The following PTPRN2 variants were observed in gnomAD, a reference collection of about 807,000 sequenced individuals.
The protein encoded by PTPRN2 is protein tyrosine phosphatase receptor type N2.
In PTPRN2, 74 loss-of-function variants were observed where a neutral mutation model predicts 118.8. The ratio of observed to expected loss-of-function variants is 0.62; its 90% CI spans 0.52 to 0.76. The LOEUF is 0.76. Ranked by LOEUF, PTPRN2 falls within the 30% of genes least tolerant of loss-of-function variation. The probability of loss-of-function intolerance (pLI) is 0.00; values close to 1 mark genes in which losing one functional copy is unlikely to be tolerated. For synonymous variants in PTPRN2, 641 were observed against 608.0 expected (o/e 1.05, Z -0.80); for missense variants, 1,481 against 1,394.4 (o/e 1.06, Z -0.99).
chr7:157,618,875 T>A lies in PTPRN2; in HGVS notation c.2344+2487A>T, dbSNP rs942733266. 2 of 152,198 alleles carry A rather than the reference T, an allele frequency of 1.3e-5. No individual in the cohort carries two copies. Among genetic ancestry groups the A allele is most frequent in the Non-Finnish European group, 2.9e-5 (2 of 68,064 alleles). The allele number at this position is 152,198 out of a possible 1,614,324, so 9.4% of individuals were successfully genotyped here. ...TGCTGTGTCTTCACACCCTGGCACA[T>A]GGGTCGGGAGAACCCTGGGAGGAGG... On this transcript the variant is annotated intron_variant, in intron 15 of 22. Transcript: ENST00000389418. The surrounding 1 kb of genome is among the most constrained non-coding windows in gnomAD (Gnocchi z 4.2).
chr7:157,710,567 G>A (rs1256143391), intron 12 of PTPRN2, among the ~76,000 whole-genome samples: 3 of 147,686 alleles, frequency 2.0e-5, no homozygotes, highest in Non-Finnish European at 4.5e-5. Context: ...ACCCTGTGCA[G>A]TGAGGGCCAC....
chr7:157,913,262 AT>A (rs1798199457), intron 11 of PTPRN2, among the ~76,000 whole-genome samples: 1 of 152,206 alleles, frequency 6.6e-6, no homozygotes, highest in Non-Finnish European at 1.5e-5. Context: ...GCATGATTTC[AT>A]ATACAGCACC....
intron 12 of PTPRN2, among the ~76,000 whole-genome samples, chr7:157,853,921 C>G (rs933276561): frequency 6.6e-6 from 1 of 152,138 alleles, no homozygotes; most frequent in Admixed American, 6.5e-5. Flanking sequence ...GGCGGAGATG[C>G]GGACACGGGG....
At chr7:158,142,383 G>A (rs934014307) in intron 6 of PTPRN2, among the ~76,000 whole-genome samples, 5 of 152,328 alleles carry the variant, frequency 3.3e-5, no homozygotes, top group South Asian at 2.1e-4. Flanking sequence ...TGACGCTGGC[G>A]CATCCCTGTA....
chr7:157,676,065 C>T lies in PTPRN2; in HGVS notation c.2001+6660G>A, dbSNP rs530892524. Among the ~76,000 whole-genome samples the T allele has an allele frequency of 1.3e-5, 2 of 152,146 alleles. No homozygotes were observed. Among genetic ancestry groups the T allele is most frequent in the African/African-American group, 2.4e-5 (1 of 41,422 alleles). ...CCATGGACCGTCCCTTGGAGCGCCACAGACTGCAGGGTTTGTCCTTGTCAC... is the reference window on the plus strand; with the variant it reads ...CCATGGACCGTCCCTTGGAGCGCCATAGACTGCAGGGTTTGTCCTTGTCAC... On this transcript the variant is annotated intron_variant, in intron 13 of 22. Coordinates refer to ENST00000389418, the MANE Select transcript of PTPRN2 (RefSeq NM_002847.5). This position sits in a 1 kb window ranked among gnomAD's most constrained non-coding sequence, Gnocchi z 5.6.
At chr7:157,644,032 G>C (rs1406941811) in intron 14 of PTPRN2, among the ~76,000 whole-genome samples, 1 of 152,232 alleles carries the variant, frequency 6.6e-6, no homozygotes, top group Non-Finnish European at 1.5e-5. Flanking sequence ...ACACTGGTGT[G>C]CATCAGGCGT....
chr7:158,084,771 A>G (rs1283896747), intron 10 of PTPRN2, among the ~76,000 whole-genome samples: 2 of 136,016 alleles, frequency 1.5e-5, no homozygotes, highest in South Asian at 2.6e-4. Context: ...ACACTCCGAC[A>G]CTCATCCACA....
At chr7:158,069,175 T>A (rs1811015662) in intron 11 of PTPRN2, among the ~76,000 whole-genome samples, 1 of 152,052 alleles carries the variant, frequency 6.6e-6, no homozygotes, top group South Asian at 2.1e-4. Flanking sequence ...CAGCTCAAGA[T>A]CCTCTCCCAT....
intron 2 of PTPRN2, among the ~76,000 whole-genome samples, chr7:158,456,908 G>A (rs944508876): frequency 1.3e-5 from 2 of 152,040 alleles, no homozygotes; most frequent in Non-Finnish European, 2.9e-5. Context: ...CACAGCACCA[G>A]GATCACCACA....
chr7:158,532,172 C>T (rs184386084), intron 1 of PTPRN2, among the ~76,000 whole-genome samples: 61 of 152,354 alleles, frequency 4.0e-4, no homozygotes, highest in African/African-American at 1.4e-3. Flanking sequence ...AGGTGCAGAC[C>T]GCTTCAGGGT....
At chr7:157,950,437 C>T (rs1281314129) in intron 11 of PTPRN2, among the ~76,000 whole-genome samples, 3 of 152,114 alleles carry the variant, frequency 2.0e-5, no homozygotes, top group Non-Finnish European at 2.9e-5. Flanking sequence ...CTGTCCTGCT[C>T]TAAAATGTTC....
intron 2 of PTPRN2, among the ~76,000 whole-genome samples, chr7:158,322,855 G>A (rs896846061): frequency 6.6e-6 from 1 of 152,242 alleles, no homozygotes; most frequent in African/African-American, 2.4e-5. Context: ...CCTGGCAAGG[G>A]CTGGAGATTG....
chr7:158,368,949 G>A (rs879435214), intron 2 of PTPRN2, among the ~76,000 whole-genome samples: 9 of 152,188 alleles, frequency 5.9e-5, no homozygotes, highest in Non-Finnish European at 8.8e-5. Flanking sequence ...CTGTGAGGGC[G>A]TTGCCGAAGG....
intron 22 of PTPRN2, among the ~76,000 whole-genome samples, chr7:157,543,380 G>A (rs73513049): frequency 0.013 from 1,990 of 152,362 alleles, 37 homozygotes; most frequent in African/African-American, 0.045. Context: ...GAGGTGGGAC[G>A]GCCGAGCCAG....
intron 6 of PTPRN2, among the ~76,000 whole-genome samples, chr7:158,163,254 T>G (rs1822529959): frequency 6.6e-6 from 1 of 151,846 alleles, no homozygotes; most frequent in South Asian, 2.1e-4. Flanking sequence ...TCTCTCTATT[T>G]CTTAGGTGAC....
chr7:157,541,978 G>A (rs1798035052), intron 22 of PTPRN2, among the ~76,000 whole-genome samples: 1 of 152,214 alleles, frequency 6.6e-6, no homozygotes, highest in South Asian at 2.1e-4. Flanking sequence ...GTACGTGTTA[G>A]AACCTATTAT....
chr7:157,889,681 TG>T (rs1373588758), intron 12 of PTPRN2, among the ~76,000 whole-genome samples: 1 of 152,252 alleles, frequency 6.6e-6, no homozygotes, highest in Non-Finnish European at 1.5e-5. Context: ...TCCCATAACC[TG>T]CTGAATATGT....
intron 12 of PTPRN2, among the ~76,000 whole-genome samples, chr7:157,700,753 C>G (rs796830755): frequency 6.6e-5 from 10 of 152,288 alleles, no homozygotes; most frequent in African/African-American, 2.4e-4. Context: ...CACACAGGGG[C>G]GCCTCCAGAC....
Position 157,560,858 on chromosome 7 carries a change from A to C in PTPRN2, c.2902+8044T>G, listed in dbSNP as rs1799153031. 6.6e-6 allele frequency among the ~76,000 whole-genome samples: 1 copy of C among 152,166 alleles called. No homozygotes were observed. The highest frequency in any genetic ancestry group is 1.5e-5 in the Non-Finnish European group (1 of 68,022). ...GTGTTTTCATGTTTCAGCCAAACAT[A>C]AAAGCGAGACGTCTCCTGCTCAGCT... On this transcript the variant is annotated intron_variant, in intron 21 of 22. Coordinates refer to ENST00000389418, the MANE Select transcript of PTPRN2 (RefSeq NM_002847.5). This position sits in a 1 kb window ranked among gnomAD's most constrained non-coding sequence, Gnocchi z 6.7.
Sources: gnomAD v4.1 joint callset for allele counts (sites outside exome capture counted in the v4.1 genomes callset) on GRCh38, gnomAD v4.1.1 for gene constraint, Gnocchi (gnomAD v3.1) non-coding constraint, MANE v1.5 for transcripts, NCBI Gene and HGNC (gene_info 2026-07-23, HGNC 2026-07-21) for gene names.